CAPN13: variants seen among roughly 807,000 people sequenced by gnomAD.
The protein encoded by CAPN13 is calpain-13.
CAPN13 carries 90 observed loss-of-function variants against 98.4 expected under a neutral mutation model. The observed-to-expected ratio is 0.92, with a 90% CI of 0.77 to 1.09. The LOEUF (loss-of-function observed/expected upper bound fraction) is 1.09, where lower values mean the gene tolerates loss of function less well. Ranked by LOEUF, CAPN13 falls within the 50% of genes least tolerant of loss-of-function variation. CAPN13 has a pLI of 0.00. For missense variants in CAPN13, 887 were observed against 841.3 expected, an observed-to-expected ratio of 1.05 and a Z score of -0.67; for synonymous variants, 330 against 305.5, an observed-to-expected ratio of 1.08 and a Z score of -0.84.
chr2:30,756,434 G>A (rs992985986), intron 8 of CAPN13, among the ~76,000 whole-genome samples: 11 of 152,156 alleles, frequency 7.2e-5, no homozygotes, highest in South Asian at 2.1e-4. Context: ...GCCAGCCCAC[G>A]GGAAGCTTCT....
intron 13 of CAPN13, among the ~76,000 whole-genome samples, chr2:30,742,577 G>A (rs1027000457): frequency 4.6e-5 from 7 of 152,184 alleles, no homozygotes; most frequent in Non-Finnish European, 1.0e-4. Context: ...TTAGTAAATG[G>A]TTCCTTCCAC....
chr2:30,787,847 C>A (rs1257143185), intron 1 of CAPN13, among the ~76,000 whole-genome samples: 2 of 152,048 alleles, frequency 1.3e-5, no homozygotes. Flanking sequence ...GTTTTATACC[C>A]CATAAACTCT....
At chr2:30,784,613 A>G (rs956261481) in intron 2 of CAPN13, among the ~76,000 whole-genome samples, 1 of 152,212 alleles carries the variant, frequency 6.6e-6, no homozygotes, top group African/African-American at 2.4e-5. Flanking sequence ...AAACATTACT[A>G]GTGACAGGCA....
At chr2:30,727,943 T>A (rs1670916972) in intron 22 of CAPN13, among the ~76,000 whole-genome samples, 1 of 151,632 alleles carries the variant, frequency 6.6e-6, no homozygotes, top group African/African-American at 2.4e-5. Flanking sequence ...AAAAATGGGG[T>A]AAAGCCACAA....
At position 30,770,410 on chromosome 2, in the gene CAPN13, C is replaced by T; in HGVS notation, c.427G>A (p.Asp143Asn). ...TTATCTCCCTGGACAGGTAGGCGGT[C>T]ATCAATCACCACTTCCACCCACTGG... ...CGQWVEVVID[D>N]RLPVQGDKCL... The change falls in exon 5 of 23, where the codon GAC becomes AAC. Residue 143 changes from aspartate (D) to asparagine (N), a missense_variant. Coordinates refer to ENST00000295055, the MANE Select transcript of CAPN13 (RefSeq NM_144575.3). The T allele has an allele frequency of 6.2e-7, 1 of 1,613,982 alleles. No individual in the cohort carries two copies. The highest frequency in any genetic ancestry group is 8.5e-7 in the Non-Finnish European group (1 of 1,179,870).
At chr2:30,792,021 A>G (rs1213816644) in intron 1 of CAPN13, among the ~76,000 whole-genome samples, 1 of 152,166 alleles carries the variant, frequency 6.6e-6, no homozygotes, top group Non-Finnish European at 1.5e-5. Flanking sequence ...GTTCTTCTAC[A>G]TGCAAATTCA....
At chr2:30,759,615 A>G (rs1167602305) in intron 7 of CAPN13, among the ~76,000 whole-genome samples, 1 of 152,190 alleles carries the variant, frequency 6.6e-6, no homozygotes, top group African/African-American at 2.4e-5. Context: ...CCGCAGGTGG[A>G]CGCAGGGCTC....
At chr2:30,758,759 TCTTTCCTTTCCTTCCTCCCTCCCTCC>T (rs1553313088) in intron 7 of CAPN13, among the ~76,000 whole-genome samples, 34 of 105,520 alleles carry the variant, frequency 3.2e-4, no homozygotes, top group East Asian at 9.2e-4. Flanking sequence ...TCCCTCCCTC[TCTTTCCTTTCCTTCCTCCCTCCCTCC>T]CTTTCCTTTC....
At chr2:30,761,577 G>A (rs1466668870) in intron 7 of CAPN13, among the ~76,000 whole-genome samples, 1 of 152,110 alleles carries the variant, frequency 6.6e-6, no homozygotes, top group Admixed American at 6.5e-5. Context: ...AGAAACAAAG[G>A]CTATCTCAAT....
Position 30,723,004 on chromosome 2 carries a change from T to G in CAPN13, c.*263A>C, listed in dbSNP as rs912307418. 6.6e-6 allele frequency: 1 copy of G among 152,234 alleles called. No homozygotes were observed. Among genetic ancestry groups the G allele is most frequent in the African/African-American group, 2.4e-5 (1 of 41,456 alleles). The allele number at this position is 152,234 out of a possible 1,614,324, so 9.4% of individuals were successfully genotyped here. On this transcript the variant is annotated 3_prime_UTR_variant, in exon 23 of 23. Transcript: ENST00000295055. Reference sequence around the variant, plus strand: ...TTCCCACAGGGAGACATCTCCTGCTTCCTTTTCCAGGGCAACGTAGGCTGA... The same window carrying G: ...TTCCCACAGGGAGACATCTCCTGCTGCCTTTTCCAGGGCAACGTAGGCTGA...
chr2:30,771,418 T>C (rs1329863949), intron 4 of CAPN13, among the ~76,000 whole-genome samples: 1 of 152,180 alleles, frequency 6.6e-6, no homozygotes, highest in Non-Finnish European at 1.5e-5. Context: ...GAGGATGCAA[T>C]TTCAGAGCAG....
At chr2:30,760,092 AT>A (rs58177148) in intron 7 of CAPN13, among the ~76,000 whole-genome samples, 42,928 of 151,568 alleles carry the variant, frequency 0.28, 8,238 homozygotes, top group African/African-American at 0.54. Flanking sequence ...TATTGTTGTG[AT>A]TTTTTTTGAG....
intron 2 of CAPN13, among the ~76,000 whole-genome samples, chr2:30,786,440 C>G (rs6704630): frequency 0.91 from 138,168 of 152,166 alleles, 62,808 homozygotes; most frequent in African/African-American, 0.95. Flanking sequence ...TTTCCGTGGA[C>G]TTGTCATGCC....
intron 19 of CAPN13, 81 bp from the exon 20 acceptor site, chr2:30,732,647 T>C: frequency 6.6e-7 from 1 of 1,519,556 alleles, no homozygotes; most frequent in Non-Finnish European, 8.8e-7. Flanking sequence ...GAGACACCTG[T>C]TCAGAGGGCC....
chr2:30,745,884 G>A, intron 11 of CAPN13, 150 bp from the exon 12 acceptor site: 1 of 503,290 alleles, frequency 2.0e-6, no homozygotes, highest in East Asian at 3.7e-5. Flanking sequence ...TATCTGTTAT[G>A]CCATAAAGCA....
intron 22 of CAPN13, among the ~76,000 whole-genome samples, chr2:30,730,356 T>C (rs542208612): frequency 1.3e-5 from 2 of 152,316 alleles, no homozygotes; most frequent in Admixed American, 6.5e-5. Flanking sequence ...CCCGCTCTTC[T>C]CTCCCTAAGG....
intron 1 of CAPN13, among the ~76,000 whole-genome samples, chr2:30,796,859 C>T (rs983430824): frequency 6.6e-6 from 1 of 152,202 alleles, no homozygotes; most frequent in African/African-American, 2.4e-5. Context: ...CTGCTCTAGA[C>T]AGGCTAGCCC....
At position 30,766,213 on chromosome 2, in the gene CAPN13, A is replaced by G. The variant is rs545434164; in HGVS notation, c.525-1907T>C. 3.3e-5 allele frequency among the ~76,000 whole-genome samples: 5 copies of G among 152,168 alleles called. No homozygotes were observed. The East Asian group carries it at 7.7e-4, about 24-fold the overall frequency. On this transcript the variant is annotated intron_variant, in intron 5 of 22. Transcript: ENST00000295055. Reference sequence around the variant, plus strand: ...AAACAGGGCTGTGCTAAAGAACAGCACTCCAGAAAAGCCGCGGTGGGGCCT... The same window carrying G: ...AAACAGGGCTGTGCTAAAGAACAGCGCTCCAGAAAAGCCGCGGTGGGGCCT...
At chr2:30,734,339 T>C (rs1008371747) in intron 19 of CAPN13, 110 bp downstream of exon 19, 1 of 799,834 alleles carries the variant, frequency 1.3e-6, no homozygotes, top group African/African-American at 1.7e-5. Flanking sequence ...GCTGCAGCGC[T>C]CCTCTCTCCT....
Sources: allele counts gnomAD v4.1 joint callset (sites outside exome capture counted in the v4.1 genomes callset), GRCh38; gene constraint gnomAD v4.1.1; transcripts MANE v1.5; gene names NCBI Gene and HGNC (gene_info 2026-07-23, HGNC 2026-07-21).